AKAP9: variants seen among roughly 807,000 people sequenced by gnomAD.
The protein encoded by AKAP9 is A-kinase anchor protein 9.
AKAP9 carries 311 observed loss-of-function variants against 488.5 expected under a neutral mutation model. That is an observed-to-expected ratio of 0.64 (90% CI 0.58 to 0.70). The LOEUF (loss-of-function observed/expected upper bound fraction) is 0.70, where lower values mean the gene tolerates loss of function less well. AKAP9 is among the 30% of genes least tolerant of loss of function. The pLI is 0.00. For missense variants in AKAP9, 4,215 were observed against 4,374.5 expected (o/e 0.96, Z 1.03); for synonymous variants, 1,462 against 1,483.5 (o/e 0.99, Z 0.33).
In AKAP9 at chr7:92,077,828, C is replaced by A. The variant is rs778698845; in HGVS notation, c.6898C>A (p.Gln2300Lys). The A allele has an allele frequency of 6.2e-7, 1 of 1,613,480 alleles. No homozygotes were observed. The highest frequency in any genetic ancestry group is 8.5e-7 in the Non-Finnish European group (1 of 1,179,828). The change falls in exon 30 of 50, where the codon CAA becomes AAA. Residue 2300 changes from glutamine to lysine, a missense_variant. Transcript: ENST00000356239. ...KEVEIDQLNE[Q>K]VTKLQQQLKI... is the part of the protein sequence containing the mutation. ...GGTAGAAATTGACCAATTAAATGAA[C>A]AAGTTACGAAACTCCAGCAGCAACT...
At position 92,042,034 on chromosome 7, in the gene AKAP9, T is replaced by C. The variant is rs762117744; in HGVS notation, c.4918-12T>C. 22 of 1,613,268 alleles carry C rather than the reference T, an allele frequency of 1.4e-5. No homozygotes were observed. Among genetic ancestry groups the C allele is most frequent in the Non-Finnish European group, 1.9e-5 (22 of 1,179,626 alleles). On this transcript the variant is annotated splice_polypyrimidine_tract_variant and intron_variant, in intron 18 of 49. Coordinates refer to ENST00000356239, the MANE Select transcript of AKAP9 (RefSeq NM_005751.5). The stretch of plus-strand genomic sequence containing the variant: ...CAAACAGTATTCTTTCATGACCTTT[T>C]TTCTTATTTAGAGATCCTCCATAGA...
chr7:92,077,094 T>TTA, intron 29 of AKAP9, 87 bp downstream of exon 29: 3 of 428,374 alleles, frequency 7.0e-6, no homozygotes, highest in Non-Finnish European at 1.0e-5. Flanking sequence ...TATTATTTCT[T>TTA]TCTTTTTTTT....
rs1209334648 is a variant in AKAP9, at chr7:92,096,739, T to A, written c.9780T>A (p.Asn3260Lys). Residue 3260 changes from asparagine (N) to lysine (K), a missense_variant, in exon 41 of 50, where the codon AAT becomes AAA. Physicochemically the swap from Asn to Lys is moderately conservative, Grantham distance 94. Transcript: ENST00000356239. ...ESQKQRNLQL[N>K]LLLEQQKQLL... Reference sequence around the variant, plus strand: ...AGAAACAAAGGAATCTTCAGCTAAATCTACTTTTGGAACAACAGAAACAAC... The same window carrying A: ...AGAAACAAAGGAATCTTCAGCTAAAACTACTTTTGGAACAACAGAAACAAC... 1 of 1,614,162 alleles carries A rather than the reference T, an allele frequency of 6.2e-7. No individual in the cohort carries two copies. Among genetic ancestry groups the A allele is most frequent in the African/African-American group, 1.3e-5 (1 of 75,032 alleles).
At chr7:91,977,332 A>T (rs1036644610) in intron 2 of AKAP9, among the ~76,000 whole-genome samples, 1 of 152,182 alleles carries the variant, frequency 6.6e-6, no homozygotes, top group Non-Finnish European at 1.5e-5. Flanking sequence ...CAAGGCGGGC[A>T]GATCACGAGG....
At chr7:92,056,762 C>T (rs902686533) in intron 22 of AKAP9, among the ~76,000 whole-genome samples, 6 of 151,970 alleles carry the variant, frequency 3.9e-5, no homozygotes, top group Admixed American at 3.9e-4. Context: ...CTGGTTTAAA[C>T]AACTTTATAG....
intron 46 of AKAP9, 38 bp from the exon 47 acceptor site, chr7:92,105,640 A>T: frequency 7.0e-7 from 1 of 1,422,684 alleles, no homozygotes; most frequent in Non-Finnish European, 9.9e-7. Flanking sequence ...TACTGTTTAT[A>T]GATGGGCTGT....
intron 11 of AKAP9, 51 bp downstream of exon 11, chr7:92,016,318 A>G: frequency 7.8e-7 from 1 of 1,287,034 alleles, no homozygotes; most frequent in Admixed American, 2.3e-5. Flanking sequence ...TCTTAAATTA[A>G]TTGATGACAG....
chr7:92,032,088 C>T (rs1804351905), intron 16 of AKAP9, among the ~76,000 whole-genome samples: 1 of 152,178 alleles, frequency 6.6e-6, no homozygotes, highest in South Asian at 2.1e-4. Flanking sequence ...GTATGCTTAT[C>T]CACTGTGTCC....
In AKAP9 at chr7:92,097,262, C is replaced by T; in HGVS notation, c.10303C>T (p.Arg3435Ter). ...TTATAAGTTAGACCTTGAAGGACAG[C>T]GACTACAAGGAATCATGCAGGAATT... ...QVYKLDLEGQ[R>*]LQGIMQEFQK... is the part of the protein sequence containing the mutation. Residue 3435 changes from arginine to a stop codon, truncating the protein, a stop_gained, in exon 41 of 50, where the codon CGA becomes TGA. Transcript: ENST00000356239. LOFTEE classifies it high-confidence loss of function. The T allele has an allele frequency of 1.9e-6, 3 of 1,613,734 alleles. No individual in the cohort carries two copies. Among genetic ancestry groups the T allele is most frequent in the Non-Finnish European group, 1.7e-6 (2 of 1,179,948 alleles).
rs1181295602 is a variant in AKAP9, at chr7:92,079,542, C to T, written c.7409C>T (p.Thr2470Ile). 6.2e-7 allele frequency: 1 copy of T among 1,613,780 alleles called. No homozygotes were observed. Among genetic ancestry groups the T allele is most frequent in the Non-Finnish European group, 8.5e-7 (1 of 1,179,990 alleles). Residue 2470 changes from threonine to isoleucine, a missense_variant, in exon 31 of 50, where the codon ACA (threonine) becomes ATA (isoleucine). Thr to Ile is a moderately conservative substitution (Grantham distance 89). Coordinates refer to ENST00000356239, the MANE Select transcript of AKAP9 (RefSeq NM_005751.5). Reference protein sequence around the residue: ...KDKPELEVVLTEDALKSLENQ... With the variant: ...KDKPELEVVLIEDALKSLENQ... ...AAACCTGAACTAGAAGTAGTCCTTA[C>T]AGAGGATGCTCTTAAATCCCTAGAA...
In AKAP9 at chr7:92,002,523, C is replaced by G; in HGVS notation, c.2606C>G (p.Ala869Gly). Reference sequence around the variant, plus strand: ...TATCAAGAGTTACAAGAGGAGTATGCTTGCCTTCTCAAAGTAAAAGATGAT... The same window carrying G: ...TATCAAGAGTTACAAGAGGAGTATGGTTGCCTTCTCAAAGTAAAAGATGAT... ...VNYQELQEEY[A>G]CLLKVKDDLE... Residue 869 changes from alanine (A) to glycine (G), a missense_variant, in exon 8 of 50, where the codon GCT (alanine) becomes GGT (glycine). Coordinates refer to ENST00000356239, the MANE Select transcript of AKAP9 (RefSeq NM_005751.5). 6.2e-7 allele frequency: 1 copy of G among 1,610,226 alleles called. No individual in the cohort carries two copies. Among genetic ancestry groups the G allele is most frequent in the Non-Finnish European group, 8.5e-7 (1 of 1,178,264 alleles).
chr7:92,065,207 A>G (rs1187143976), intron 24 of AKAP9, 24 bp from the exon 25 acceptor site: 1 of 1,408,642 alleles, frequency 7.1e-7, no homozygotes, highest in Non-Finnish European at 1.0e-6. Context: ...GATTTAATTC[A>G]GTATATTTTG....
chr7:92,068,327 C>CT (rs1811094222), intron 26 of AKAP9, among the ~76,000 whole-genome samples: 1 of 141,822 alleles, frequency 7.1e-6, no homozygotes, highest in Admixed American at 7.4e-5. Context: ...GATCACGCCA[C>CT]TGCACTCCAG....
chr7:92,055,412 G>A (rs550318910), intron 22 of AKAP9, among the ~76,000 whole-genome samples: 2 of 152,146 alleles, frequency 1.3e-5, no homozygotes, highest in South Asian at 4.1e-4. Flanking sequence ...TAGGCCCTCT[G>A]TGAAATAACT....
intron 21 of AKAP9, among the ~76,000 whole-genome samples, chr7:92,047,767 A>T (rs1807255090): frequency 6.6e-6 from 1 of 152,240 alleles, no homozygotes. Flanking sequence ...TAATATTGAG[A>T]TAAGAGAAAA....
intron 1 of AKAP9, among the ~76,000 whole-genome samples, chr7:91,969,250 A>G (rs1381940803): frequency 6.6e-6 from 1 of 152,056 alleles, no homozygotes. Context: ...ACTGATTTTT[A>G]GTTTTATTCC....
intron 14 of AKAP9, among the ~76,000 whole-genome samples, chr7:92,026,516 G>C (rs1803172324): frequency 6.6e-6 from 1 of 151,912 alleles, no homozygotes; most frequent in Non-Finnish European, 1.5e-5. Flanking sequence ...TGTGTTTTTG[G>C]TGGAGATGGG....
In AKAP9 at chr7:92,017,285, G is replaced by A. The variant is rs12539702; in HGVS notation, c.3837+183G>A. Among the ~76,000 whole-genome samples the A allele has an allele frequency of 9.3e-3, 1,414 of 152,080 alleles. 60 individuals are homozygous for A. Among genetic ancestry groups the A allele is most frequent in the East Asian group, 0.085 (439 of 5,178 alleles). ...TAAGCTGAAAGAATTTCTGCAAGTCGAATAATAACCCCTTTAGAGAGTTTT... is the reference window on the plus strand; with the variant it reads ...TAAGCTGAAAGAATTTCTGCAAGTCAAATAATAACCCCTTTAGAGAGTTTT... On this transcript the variant is annotated intron_variant, in intron 12 of 49. Transcript: ENST00000356239.
rs765070353 is a variant in AKAP9 at position 92,001,486 on chromosome 7, G to T, written c.1569G>T (p.Lys523Asn). ...KEELGLILEE[K>N]CALQRQLEDL... is the part of the protein sequence containing the mutation. ...AACTAGGACTAATTTTAGAAGAAAA[G>T]TGTGCTCTACAGAGACAGCTTGAAG... Residue 523 changes from lysine (K) to asparagine (N), a missense_variant, in exon 8 of 50, where the codon AAG becomes AAT. Coordinates refer to ENST00000356239, the MANE Select transcript of AKAP9 (RefSeq NM_005751.5). 6.2e-7 allele frequency: 1 copy of T among 1,613,752 alleles called. No individual in the cohort carries two copies. Among genetic ancestry groups the T allele is most frequent in the South Asian group, 1.1e-5 (1 of 91,086 alleles).
Sources: allele counts gnomAD v4.1 joint callset (sites outside exome capture counted in the v4.1 genomes callset), GRCh38; gene constraint gnomAD v4.1.1; transcripts MANE v1.5; gene names NCBI Gene and HGNC (gene_info 2026-07-23, HGNC 2026-07-21).